SNX29: variants seen among roughly 807,000 people sequenced by gnomAD.
SNX29 encodes sorting nexin-29.
A neutral mutation model predicts 102.1 loss-of-function variants in SNX29; 78 were observed. The observed-to-expected ratio is 0.76, with a 90% CI of 0.64 to 0.92. The LOEUF is 0.92. Ranked by LOEUF, SNX29 falls within the 40% of genes least tolerant of loss-of-function variation. SNX29 has a pLI of 0.00. For missense variants in SNX29, 1,280 were observed against 1,061.7 expected, an observed-to-expected ratio of 1.21 and a Z score of -2.86; for synonymous variants, 580 against 414.5, an observed-to-expected ratio of 1.40 and a Z score of -4.85.
intron 16 of SNX29, among the ~76,000 whole-genome samples, chr16:12,370,379 G>C (rs555521154): frequency 6.6e-6 from 1 of 152,304 alleles, no homozygotes; most frequent in Admixed American, 6.5e-5. Context: ...GGCCAACGTG[G>C]TGAAAACCCA....
intron 13 of SNX29, among the ~76,000 whole-genome samples, chr16:12,196,285 G>C (rs1596479612): frequency 1.3e-5 from 2 of 152,174 alleles, no homozygotes; most frequent in South Asian, 4.1e-4. Context: ...TGTGTAAAAT[G>C]AAGGCAGTAA....
chr16:12,536,663 C>T (rs942416097), intron 20 of SNX29, among the ~76,000 whole-genome samples: 2 of 152,104 alleles, frequency 1.3e-5, no homozygotes, highest in Admixed American at 6.6e-5. Context: ...TCCTTAGATC[C>T]AGGGAAGAGC....
At chr16:12,426,478 C>T (rs113142113) in intron 18 of SNX29, among the ~76,000 whole-genome samples, 2,522 of 152,212 alleles carry the variant, frequency 0.017, 80 homozygotes, top group African/African-American at 0.058. Flanking sequence ...AGGAGCCCTG[C>T]AGGAGGGTAA....
At chr16:12,446,983 G>A (rs2086085620) in intron 18 of SNX29, among the ~76,000 whole-genome samples, 1 of 151,504 alleles carries the variant, frequency 6.6e-6, no homozygotes, top group Non-Finnish European at 1.5e-5. Flanking sequence ...TGACCAACAT[G>A]GTGAGACCCC....
intron 18 of SNX29, among the ~76,000 whole-genome samples, chr16:12,431,406 G>T (rs944192918): frequency 6.6e-6 from 1 of 151,180 alleles, no homozygotes; most frequent in Non-Finnish European, 1.5e-5. Flanking sequence ...TTCATTTAGG[G>T]GCTTGAGCTT....
In SNX29 at chr16:12,573,410, GAA is replaced by G. The variant is rs1007714324; in HGVS notation, c.*4785_*4786del. 7.6e-5 allele frequency: 17 copies of G among 223,376 alleles called. No homozygotes were observed. Among genetic ancestry groups the G allele is most frequent in the Middle Eastern group, 1.3e-3 (1 of 754 alleles). The allele number at this position is 223,376 out of a possible 1,614,324, so 13.8% of individuals were successfully genotyped here. A position where few individuals can be genotyped will look rare whatever the true frequency, so the allele number is the denominator to read the frequency against. ...TTATAGCTAGTTTCTATAGAGAAGT[GAA>G]AAAGAAATCTGGCTTCCTTAATAAG... On this transcript the variant is annotated 3_prime_UTR_variant, in exon 21 of 21. Coordinates refer to ENST00000566228, the MANE Select transcript of SNX29 (RefSeq NM_032167.5).
chr16:12,155,726 G>T (rs1285339300), intron 13 of SNX29, among the ~76,000 whole-genome samples: 2 of 152,056 alleles, frequency 1.3e-5, no homozygotes, highest in African/African-American at 4.8e-5. Context: ...GAGCAGGGAG[G>T]GCCCAGAACC....
At chr16:12,366,041 T>TC (rs2082466142) in intron 16 of SNX29, among the ~76,000 whole-genome samples, 1 of 12,748 alleles carries the variant, frequency 7.8e-5, no homozygotes, top group African/African-American at 1.4e-4. Flanking sequence ...GACTCTTGTC[T>TC]CAAAAAAAAA....
chr16:12,208,871 T>C (rs916921303), intron 14 of SNX29, among the ~76,000 whole-genome samples: 5 of 151,968 alleles, frequency 3.3e-5, no homozygotes, highest in Non-Finnish European at 7.4e-5. Flanking sequence ...ACTGAGTCAC[T>C]TGTTACTCGT....
chr16:12,212,023 C>T (rs566346600), intron 14 of SNX29, among the ~76,000 whole-genome samples: 1 of 152,030 alleles, frequency 6.6e-6, no homozygotes, highest in Admixed American at 6.6e-5. Flanking sequence ...GTCTGTTAAA[C>T]CCATGCTTTC....
chr16:12,483,951 C>T (rs1213429281), intron 19 of SNX29, among the ~76,000 whole-genome samples: 1 of 152,214 alleles, frequency 6.6e-6, no homozygotes, highest in Non-Finnish European at 1.5e-5. Context: ...GGAGTCACTC[C>T]AGATGTTAGT....
At chr16:12,046,792 G>T (rs1055210275) in intron 6 of SNX29, among the ~76,000 whole-genome samples, 4 of 152,094 alleles carry the variant, frequency 2.6e-5, no homozygotes, top group African/African-American at 9.7e-5. Context: ...GCTAATTTTT[G>T]TATTTTAATA....
chr16:12,217,969 G>T (rs1264089658), intron 14 of SNX29, among the ~76,000 whole-genome samples: 11 of 152,038 alleles, frequency 7.2e-5, no homozygotes, highest in Admixed American at 6.5e-4. Flanking sequence ...AATTTTTCTT[G>T]GTTTCCCATG....
At position 12,569,906 on chromosome 16, in the gene SNX29, A is replaced by G. The variant is rs568406781; in HGVS notation, c.*1277A>G. On this transcript the variant is annotated 3_prime_UTR_variant, in exon 21 of 21. Coordinates refer to ENST00000566228, the MANE Select transcript of SNX29 (RefSeq NM_032167.5). ...TGTGTGTTTCGCCTTAATCTGAGGC[A>G]GAGACACAGCAGAACCTGAGGAGAA... The G allele has an allele frequency of 2.1e-4, 48 of 232,128 alleles. No individual in the cohort carries two copies. The highest frequency in any genetic ancestry group is 3.2e-4 in the Non-Finnish European group (37 of 117,304). 14.4% of individuals were successfully genotyped at this position (232,128 alleles called of 1,614,324 possible).
At chr16:12,285,405 C>T (rs1210053641) in intron 15 of SNX29, among the ~76,000 whole-genome samples, 1 of 152,174 alleles carries the variant, frequency 6.6e-6, no homozygotes, top group African/African-American at 2.4e-5. Context: ...AATTATAAGA[C>T]ACTTATCGTT....
chr16:12,084,578 G>T (rs764048518), intron 11 of SNX29, among the ~76,000 whole-genome samples: 2 of 152,116 alleles, frequency 1.3e-5, no homozygotes, highest in East Asian at 3.8e-4. Context: ...TGTTGCTCTC[G>T]GGAGGCCATG....
intron 15 of SNX29, among the ~76,000 whole-genome samples, chr16:12,322,821 T>C (rs209844): frequency 0.62 from 88,092 of 142,798 alleles, 28,978 homozygotes; most frequent in African/African-American, 0.79. Context: ...CTGGAATCAC[T>C]GATGACCACT....
At chr16:12,056,771 T>C (rs1348828272) in intron 8 of SNX29, among the ~76,000 whole-genome samples, 1 of 152,196 alleles carries the variant, frequency 6.6e-6, no homozygotes, top group Non-Finnish European at 1.5e-5. Context: ...CAAGGGATAG[T>C]ATTTTTATTA....
intron 19 of SNX29, among the ~76,000 whole-genome samples, chr16:12,480,992 A>G (rs548352557): frequency 2.0e-5 from 3 of 152,018 alleles, no homozygotes; most frequent in South Asian, 2.1e-4. Flanking sequence ...AGTCTGCTTC[A>G]TGCTCTCCAC....
Sources: allele counts gnomAD v4.1 joint callset (sites outside exome capture counted in the v4.1 genomes callset), GRCh38; gene constraint gnomAD v4.1.1; transcripts MANE v1.5; gene names NCBI Gene and HGNC (gene_info 2026-07-23, HGNC 2026-07-21).